Variants in MTMR9 observed in about 807,000 individuals in gnomAD.
MTMR9 encodes myotubularin related protein 9.
In MTMR9, 39 loss-of-function variants were observed where a neutral mutation model predicts 69.5. That is an observed-to-expected ratio of 0.56 (90% CI 0.43 to 0.73). The LOEUF (loss-of-function observed/expected upper bound fraction) is 0.73. MTMR9 is among the 30% of genes least tolerant of loss of function. The pLI, the probability that MTMR9 is intolerant of heterozygous loss-of-function variation, is 0.00. For synonymous variants in MTMR9, 354 were observed against 240.8 expected (o/e 1.47, Z -4.35); for missense variants, 900 against 671.2 (o/e 1.34, Z -3.77).
chr8:11,305,432 A>G (rs1799903735), intron 4 of MTMR9, among the ~76,000 whole-genome samples: 1 of 152,242 alleles, frequency 6.6e-6, no homozygotes, highest in South Asian at 2.1e-4. Context: ...GAAAAGAGTG[A>G]TGCTCATGTC....
intron 5 of MTMR9, among the ~76,000 whole-genome samples, chr8:11,306,892 C>T (rs567200720): frequency 1.3e-5 from 2 of 152,224 alleles, no homozygotes; most frequent in South Asian, 2.1e-4. Context: ...CTTTCTCTTC[C>T]TCTGGCAACC....
At chr8:11,297,791 C>T in intron 2 of MTMR9, 1 of 447,690 alleles carries the variant, frequency 2.2e-6, no homozygotes, top group Non-Finnish European at 4.5e-6. Flanking sequence ...TGAAAAGAAG[C>T]CGTAAATTAT....
intron 3 of MTMR9, among the ~76,000 whole-genome samples, chr8:11,303,258 A>C (rs1799815983): frequency 6.6e-6 from 1 of 150,710 alleles, no homozygotes; most frequent in African/African-American, 2.5e-5. Flanking sequence ...GATGGAGAGC[A>C]CAGTACATTT....
chr8:11,292,543 G>A (rs1001078116), intron 1 of MTMR9, among the ~76,000 whole-genome samples: 1 of 152,182 alleles, frequency 6.6e-6, no homozygotes. Context: ...TCCAATAGAT[G>A]TTAAGTGGTA....
At chr8:11,319,953 T>G in intron 9 of MTMR9, 115 bp downstream of exon 9, 1 of 931,104 alleles carries the variant, frequency 1.1e-6, no homozygotes, top group African/African-American at 1.7e-5. Flanking sequence ...CCCTCAGACC[T>G]GTGTGAATTG....
chr8:11,321,446 T>C (rs1800685323), intron 9 of MTMR9: 2 of 456,384 alleles, frequency 4.4e-6, no homozygotes, highest in Admixed American at 2.3e-5. Context: ...AAAACCCACA[T>C]TGGGAGCTGG....
At chr8:11,311,303 A>G (rs1299068422) in intron 6 of MTMR9, among the ~76,000 whole-genome samples, 2 of 152,206 alleles carry the variant, frequency 1.3e-5, no homozygotes, top group East Asian at 3.8e-4. Flanking sequence ...CATCATCTAC[A>G]ATGTAACAAA....
chr8:11,300,394 G>C, intron 3 of MTMR9: 2 of 274,928 alleles, frequency 7.3e-6, no homozygotes, highest in Non-Finnish European at 1.4e-5. Context: ...TAAACAGAAC[G>C]CTTGTAAATA....
chr8:11,320,016 C>CT (rs113060213), intron 9 of MTMR9, 178 bp downstream of exon 9: 29,357 of 398,164 alleles, frequency 0.074, 59 homozygotes, highest in East Asian at 0.087. Context: ...TCTAGCCACA[C>CT]TTTTTTTTTT....
rs150332639 is a variant in MTMR9 at position 11,321,939 on chromosome 8, C to T, written c.1487-686C>T. Reference sequence around the variant, plus strand: ...GACATGGTGCAGCCTGGAAGATTTTCGTGCCTCCTGACTTGAGTAACTGTA... The same window carrying T: ...GACATGGTGCAGCCTGGAAGATTTTTGTGCCTCCTGACTTGAGTAACTGTA... On this transcript the variant is annotated intron_variant, in intron 9 of 9. Coordinates refer to ENST00000221086, the MANE Select transcript of MTMR9 (RefSeq NM_015458.4). Among the ~76,000 whole-genome samples, 132 of 152,278 alleles carry T rather than the reference C, an allele frequency of 8.7e-4. 1 individual carries two copies. The highest frequency in any genetic ancestry group is 3.0e-3 in the African/African-American group (124 of 41,568).
At chr8:11,315,148 A>G in intron 7 of MTMR9, 84 bp downstream of exon 7, 7 of 1,500,390 alleles carry the variant, frequency 4.7e-6, no homozygotes, top group Non-Finnish European at 5.5e-6. Flanking sequence ...TAATGTGTGA[A>G]ATTTCGATTG....
chr8:11,330,715 A>G (rs955839261), downstream of MTMR9, among the ~76,000 whole-genome samples: 43 of 152,020 alleles, frequency 2.8e-4, no homozygotes, highest in African/African-American at 8.9e-4. Context: ...ATACTTGAAG[A>G]CAGCATGCTC....
At chr8:11,321,549 A>G in intron 9 of MTMR9, 1 of 454,908 alleles carries the variant, frequency 2.2e-6, no homozygotes, top group Non-Finnish European at 4.4e-6. Context: ...CTGTGGATTA[A>G]GTCCTGCCAT....
chr8:11,306,460 G>A (rs1585122088), intron 5 of MTMR9, 53 bp downstream of exon 5: 6 of 1,499,128 alleles, frequency 4.0e-6, no homozygotes, highest in Middle Eastern at 1.8e-4. Flanking sequence ...ATTATAGTGG[G>A]TAAGGCCTTA....
At chr8:11,316,625 A>G in intron 7 of MTMR9, 48 bp from the exon 8 acceptor site, 3 of 1,306,480 alleles carry the variant, frequency 2.3e-6, no homozygotes, top group Non-Finnish European at 3.1e-6. Flanking sequence ...ATGCTCTGTC[A>G]TGTGATCTCA....
At chr8:11,304,277 TAAAC>T (rs913231663) in intron 3 of MTMR9, among the ~76,000 whole-genome samples, 62 of 152,330 alleles carry the variant, frequency 4.1e-4, no homozygotes, top group African/African-American at 1.2e-3. Context: ...TTTTTTAAAA[TAAAC>T]AAAGGGTTTG....
intron 1 of MTMR9, among the ~76,000 whole-genome samples, chr8:11,289,584 T>G (rs1457852351): frequency 6.6e-6 from 1 of 152,158 alleles, no homozygotes; most frequent in African/African-American, 2.4e-5. Flanking sequence ...CCTCTGTTGT[T>G]GATTTTCTTC....
At chr8:11,288,315 T>C (rs1372954792) in intron 1 of MTMR9, among the ~76,000 whole-genome samples, 1 of 140,220 alleles carries the variant, frequency 7.1e-6, no homozygotes, top group Non-Finnish European at 1.5e-5. Flanking sequence ...AATATGTATA[T>C]ATAATATATA....
chr8:11,303,624 C>T lies in MTMR9; in HGVS notation c.418-1217C>T, dbSNP rs963062855. Among the ~76,000 whole-genome samples, 8 of 152,156 alleles carry T rather than the reference C, an allele frequency of 5.3e-5. No individual in the cohort carries two copies. The East Asian group carries it at 1.4e-3, about 26-fold the overall frequency. ...TCACAGCTCACTGTGGCCTCGACTTCCTGGGCTCCCGTGATTCTTTCACCT... is the reference window on the plus strand; with the variant it reads ...TCACAGCTCACTGTGGCCTCGACTTTCTGGGCTCCCGTGATTCTTTCACCT... On this transcript the variant is annotated intron_variant, in intron 3 of 9. Coordinates refer to ENST00000221086, the MANE Select transcript of MTMR9 (RefSeq NM_015458.4).
Sources: gnomAD v4.1 joint callset for allele counts (sites outside exome capture counted in the v4.1 genomes callset) on GRCh38, gnomAD v4.1.1 for gene constraint, MANE v1.5 for transcripts, NCBI Gene and HGNC (gene_info 2026-07-23, HGNC 2026-07-21) for gene names.